Variants in SRCIN1 observed in about 807,000 individuals in gnomAD.
SRCIN1 encodes the protein SRC kinase signaling inhibitor 1, also known as P130Cas-associated protein.
A neutral mutation model predicts 116.2 loss-of-function variants in SRCIN1; 50 were observed. The observed-to-expected ratio is 0.43, with a 90% CI of 0.34 to 0.54. The LOEUF (loss-of-function observed/expected upper bound fraction) is 0.54, where lower values mean the gene tolerates loss of function less well. SRCIN1 is among the 20% of genes least tolerant of loss of function. The pLI is 0.02. For synonymous variants in SRCIN1, 736 were observed against 750.0 expected, an observed-to-expected ratio of 0.98 and a Z score of 0.30; for missense variants, 1,446 against 1,672.0, an observed-to-expected ratio of 0.86 and a Z score of 2.36.
At chr17:38,553,311 G>A (rs539603100) in intron 11 of SRCIN1, among the ~76,000 whole-genome samples, 2 of 152,280 alleles carry the variant, frequency 1.3e-5, no homozygotes, top group East Asian at 3.9e-4. Flanking sequence ...AGTAAAATCT[G>A]CAACGCCAAA....
In SRCIN1 at chr17:38,559,624, A is replaced by G. The variant is rs934039472; in HGVS notation, c.1986T>C (p.Ser662=). The change falls in exon 10 of 19, where the codon AGT becomes AGC. Residue 662 remains serine, a synonymous_variant. Coordinates refer to ENST00000617146, the MANE Select transcript of SRCIN1 (RefSeq NM_025248.3). ...LHLRGLQNSA[S]DLRGQLQQLR... ...ACTGCTGGAGCTGGCCGCGCAAGTC[A>G]CTGGCGCTGTTCTGCAGGCCTCGCA... is the stretch of plus-strand genomic sequence containing the variant. 5 of 1,603,078 alleles carry G rather than the reference A, an allele frequency of 3.1e-6. No homozygotes were observed. The highest frequency in any genetic ancestry group is 1.3e-5 in the African/African-American group (1 of 74,826).
chr17:38,554,545 C>T (rs1905662705), intron 11 of SRCIN1, among the ~76,000 whole-genome samples: 1 of 152,212 alleles, frequency 6.6e-6, no homozygotes, highest in African/African-American at 2.4e-5. Context: ...CCCCTTGCGG[C>T]TGTTGGGTCT....
Position 38,578,476 on chromosome 17 carries a change from G to A in SRCIN1, c.324+14C>T, listed in dbSNP as rs1387078353. ...CGCGGCCGCAGCCGCAGCCGCAGCC[G>A]GGAGCCCACTCACCTGCTCTCGCAT... On this transcript the variant is annotated intron_variant, in intron 2 of 18. Transcript: ENST00000617146. 3.2e-6 allele frequency: 5 copies of A among 1,562,832 alleles called. No homozygotes were observed. Among genetic ancestry groups the A allele is most frequent in the South Asian group, 2.3e-5 (2 of 85,834 alleles).
rs549161734 is a variant in SRCIN1 at position 38,584,002 on chromosome 17, G to C, written c.23-5211C>G. Among the ~76,000 whole-genome samples the C allele has an allele frequency of 2.6e-5, 4 of 152,298 alleles. No individual in the cohort carries two copies. The South Asian group carries it at 6.2e-4, about 24-fold the overall frequency. ...TCGGACCTGAGCAGCCCAGGGAAAA[G>C]ACACAGGGATCGATTCCAATCTAGC... is the stretch of plus-strand genomic sequence containing the variant. On this transcript the variant is annotated intron_variant, in intron 1 of 18. Transcript: ENST00000617146.
At chr17:38,543,677 G>T in intron 18 of SRCIN1, 146 bp downstream of exon 18, 1 of 1,187,686 alleles carries the variant, frequency 8.4e-7, no homozygotes, top group Non-Finnish European at 1.2e-6. Flanking sequence ...TCAGGGGGTG[G>T]GTGGGGCAGT....
Position 38,551,611 on chromosome 17 carries a change from G to A in SRCIN1, c.2728-222C>T, listed in dbSNP as rs1905416177. 1.1e-5 allele frequency: 7 copies of A among 648,074 alleles called. No homozygotes were observed. The South Asian group carries it at 1.4e-4, about 13-fold the overall frequency. The allele number at this position is 648,074 out of a possible 1,614,324, so 40.1% of individuals were successfully genotyped here. On this transcript the variant is annotated intron_variant, in intron 14 of 18. Coordinates refer to ENST00000617146, the MANE Select transcript of SRCIN1 (RefSeq NM_025248.3). ...ATATACTACATTCGTGATAAACTTA[G>A]ATCTATTTCTGGGCATTCTATTGTT...
At chr17:38,576,040 A>T (rs1443966788) in intron 2 of SRCIN1, among the ~76,000 whole-genome samples, 1 of 152,026 alleles carries the variant, frequency 6.6e-6, no homozygotes, top group Admixed American at 6.5e-5. Context: ...GCTTTGATTC[A>T]TTTCCTAAGT....
Position 38,533,431 on chromosome 17 carries a change from C to T in SRCIN1, c.3418G>A (p.Ala1140Thr). ...EYMRIQAQQQ[A>T]TKPSKEMSGS... Reference sequence around the variant, plus strand: ...CTCATCTCTTTAGATGGTTTAGTGGCCTGGAACAAAAACAGGGGTCAGGGG... The same window carrying T: ...CTCATCTCTTTAGATGGTTTAGTGGTCTGGAACAAAAACAGGGGTCAGGGG... The change falls in exon 19 of 19, where the codon GCC (alanine) becomes ACC (threonine). Residue 1140 changes from alanine (A) to threonine (T), a missense_variant and splice_region_variant. Transcript: ENST00000617146. 1.2e-6 allele frequency: 2 copies of T among 1,611,724 alleles called. No individual in the cohort carries two copies. The highest frequency in any genetic ancestry group is 1.7e-6 in the Non-Finnish European group (2 of 1,179,148).
At chr17:38,537,487 T>G (rs1904460544) in intron 18 of SRCIN1, among the ~76,000 whole-genome samples, 1 of 150,706 alleles carries the variant, frequency 6.6e-6, no homozygotes, top group African/African-American at 2.4e-5. Flanking sequence ...AGTAAGACCC[T>G]ATCTCAAAAA....
chr17:38,606,419 T>C (rs964911818), upstream of SRCIN1, among the ~76,000 whole-genome samples: 5 of 151,982 alleles, frequency 3.3e-5, no homozygotes, highest in African/African-American at 1.2e-4. This position sits in a 1 kb window ranked among gnomAD's most constrained non-coding sequence, Gnocchi z 5.2. Context: ...CGCCCCATGC[T>C]GGGAGCGCCC....
chr17:38,551,670 T>A (rs561363983), intron 14 of SRCIN1: 190 of 737,704 alleles, frequency 2.6e-4, no homozygotes, highest in African/African-American at 2.1e-3. Flanking sequence ...TGGGCAAACA[T>A]CATACTGCTT....
intron 1 of SRCIN1, among the ~76,000 whole-genome samples, chr17:38,596,821 C>T (rs1908754453): frequency 6.6e-6 from 1 of 152,176 alleles, no homozygotes; most frequent in Non-Finnish European, 1.5e-5. Flanking sequence ...CTTCACCTAG[C>T]TACTGCCTCC....
rs778674799 is a variant in SRCIN1 at position 38,562,043 on chromosome 17, C to A, written c.1120G>T (p.Val374Leu). The change falls in exon 7 of 19, where the codon GTG (valine) becomes TTG (leucine). Residue 374 changes from valine (V) to leucine (L), a missense_variant. Transcript: ENST00000617146. The surrounding 1 kb of genome is among the most constrained non-coding windows in gnomAD (Gnocchi z 4.2). ...CTCGCCAGGTCCTCGTCCGGCTTCACGTCGCGCCGCTCCAGGATGGCGCTG... is the reference window on the plus strand; with the variant it reads ...CTCGCCAGGTCCTCGTCCGGCTTCAAGTCGCGCCGCTCCAGGATGGCGCTG... ...SPSAILERRDVKPDEDLASKA... is the reference protein window; with the variant it reads ...SPSAILERRDLKPDEDLASKA... The A allele has an allele frequency of 2.0e-6, 3 of 1,490,320 alleles. No homozygotes were observed. The highest frequency in any genetic ancestry group is 1.3e-5 in the South Asian group (1 of 79,268). 92.3% of individuals were successfully genotyped at this position (1,490,320 alleles called of 1,614,324 possible).
chr17:38,605,595 CG>C, intron 1 of SRCIN1, 88 bp downstream of exon 1: 1 of 1,144,216 alleles, frequency 8.7e-7, no homozygotes, highest in Non-Finnish European at 1.2e-6. Flanking sequence ...CCCCCGCCCC[CG>C]GCCGAGGGGG....
At chr17:38,550,145 CCTT>C (rs1218017675) in intron 15 of SRCIN1, among the ~76,000 whole-genome samples, 1 of 152,194 alleles carries the variant, frequency 6.6e-6, no homozygotes, top group Non-Finnish European at 1.5e-5. Flanking sequence ...GAGCCTATGT[CCTT>C]CTCTGTAAAA....
chr17:38,546,872 T>C (rs1456873750), intron 17 of SRCIN1, among the ~76,000 whole-genome samples: 1 of 152,046 alleles, frequency 6.6e-6, no homozygotes, highest in Admixed American at 6.5e-5. Context: ...GAGCCCCAGA[T>C]AGGGAGTGTG....
intron 1 of SRCIN1, 32 bp from the exon 2 acceptor site, chr17:38,578,823 A>G: frequency 6.9e-7 from 1 of 1,453,684 alleles, no homozygotes; most frequent in Non-Finnish European, 9.0e-7. Context: ...CGGCTGGGTC[A>G]CGGCGCGCCC....
intron 17 of SRCIN1, chr17:38,547,735 G>A (rs1421804969): frequency 3.1e-6 from 1 of 326,236 alleles, no homozygotes; most frequent in Non-Finnish European, 6.0e-6. Flanking sequence ...AGAGAGCTGT[G>A]AGAAGTGGCA....
Position 38,558,173 on chromosome 17 carries a change from CG to C in SRCIN1, c.2201+53del. 1 of 1,582,366 alleles carries C rather than the reference CG, an allele frequency of 6.3e-7. No homozygotes were observed. The highest frequency in any genetic ancestry group is 8.6e-7 in the Non-Finnish European group (1 of 1,161,314). The stretch of plus-strand genomic sequence containing the variant: ...TGCGCCTCCCAGGGAAACCAGGTTG[CG>C]GGTCACTCCAGCCGCACCCCCACCC... On this transcript the variant is annotated intron_variant, in intron 11 of 18. Transcript: ENST00000617146. This position sits in a 1 kb window ranked among gnomAD's most constrained non-coding sequence, Gnocchi z 4.6.
Sources: allele counts gnomAD v4.1 joint callset (sites outside exome capture counted in the v4.1 genomes callset), GRCh38; gene constraint gnomAD v4.1.1; non-coding constraint Gnocchi (gnomAD v3.1); transcripts MANE v1.5; gene names NCBI Gene and HGNC (gene_info 2026-07-23, HGNC 2026-07-21).